Variants in MAF observed in about 807,000 individuals in gnomAD.
MAF encodes the protein transcription factor Maf.
MAF carries 10 observed loss-of-function variants against 22.0 expected under a neutral mutation model. That is an observed-to-expected ratio of 0.45 (90% confidence interval 0.28 to 0.77). The LOEUF (loss-of-function observed/expected upper bound fraction) is 0.77, where lower values mean the gene tolerates loss of function less well. MAF is among the 30% of genes least tolerant of loss of function. The pLI is 0.12. For synonymous variants in MAF, 337 were observed against 255.8 expected (o/e 1.32, Z -3.03); for missense variants, 544 against 548.4 (o/e 0.99, Z 0.08).
At chr16:79,517,566 GTCTTTT>G in the MAF span, among the ~76,000 whole-genome samples, 4 of 101,762 alleles carry the variant, frequency 3.9e-5, no homozygotes, top group East Asian at 6.7e-4. Context: ...GGACTGTTTA[GTCTTTT>G]TTTTTTTTTT....
chr16:79,509,169 G>C, the MAF span, among the ~76,000 whole-genome samples: 3,436 of 152,250 alleles, frequency 0.023, 55 homozygotes, highest in South Asian at 0.06. Flanking sequence ...TGCTGCCTTG[G>C]TGAAACCATC....
the MAF span, among the ~76,000 whole-genome samples, chr16:79,401,549 C>T: frequency 5.7e-3 from 860 of 152,124 alleles, 1 homozygote; most frequent in Non-Finnish European, 8.4e-3. Flanking sequence ...GCTCTTTCTA[C>T]AAAATAAGCC....
the MAF span, among the ~76,000 whole-genome samples, chr16:79,531,520 T>A: frequency 0.53 from 81,052 of 151,914 alleles, 23,248 homozygotes; most frequent in Non-Finnish European, 0.65. Flanking sequence ...GTGGGAGAGC[T>A]AAGCTTGTTT....
chr16:79,251,793 A>G, the MAF span, among the ~76,000 whole-genome samples: 1 of 152,252 alleles, frequency 6.6e-6, no homozygotes, highest in Admixed American at 6.5e-5. Flanking sequence ...CCAAGCGATC[A>G]GGTATCTATT....
chr16:79,274,324 C>A, the MAF span, among the ~76,000 whole-genome samples: 1 of 151,740 alleles, frequency 6.6e-6, no homozygotes, highest in South Asian at 2.1e-4. Context: ...CACAAAGATC[C>A]ATAAACCCGT....
At chr16:79,424,270 A>G in the MAF span, among the ~76,000 whole-genome samples, 1 of 152,340 alleles carries the variant, frequency 6.6e-6, no homozygotes, top group South Asian at 2.1e-4. Flanking sequence ...CATGCATTTA[A>G]AAGTTACCAC....
the MAF span, among the ~76,000 whole-genome samples, chr16:79,526,469 G>A: frequency 6.6e-6 from 1 of 152,160 alleles, no homozygotes; most frequent in South Asian, 2.1e-4. Context: ...ACTTCCTGCT[G>A]TGCAGCCCGG....
At chr16:79,575,249 A>G in the MAF span, among the ~76,000 whole-genome samples, 1 of 152,104 alleles carries the variant, frequency 6.6e-6, no homozygotes, top group East Asian at 1.9e-4. Context: ...GTCATTGCCC[A>G]AGCCTTACCC....
the MAF span, among the ~76,000 whole-genome samples, chr16:79,369,069 G>A: frequency 6.6e-6 from 1 of 152,204 alleles, no homozygotes; most frequent in Non-Finnish European, 1.5e-5. Flanking sequence ...CACACAGCAA[G>A]AGCCCAAGAA....
the MAF span, among the ~76,000 whole-genome samples, chr16:79,275,782 G>A: frequency 6.6e-6 from 1 of 152,138 alleles, no homozygotes; most frequent in South Asian, 2.1e-4. Flanking sequence ...CCATAGTGAA[G>A]TATCTCTTCT....
the MAF span, among the ~76,000 whole-genome samples, chr16:79,398,763 T>C: frequency 5.3e-5 from 8 of 152,250 alleles, no homozygotes; most frequent in Non-Finnish European, 8.8e-5. Context: ...GCTAGGCCCC[T>C]CTGTCTGGCA....
chr16:79,212,124 G>T, the MAF span: 2 of 1,532,812 alleles, frequency 1.3e-6, no homozygotes, highest in Non-Finnish European at 1.7e-6. Context: ...TACTGTTATA[G>T]AATAGCCTGA....
chr16:79,373,976 A>AG, the MAF span, among the ~76,000 whole-genome samples: 1 of 152,238 alleles, frequency 6.6e-6, no homozygotes, highest in Non-Finnish European at 1.5e-5. Context: ...ACACAGCAAG[A>AG]GAATTAGGTT....
the MAF span, among the ~76,000 whole-genome samples, chr16:79,469,689 C>A: frequency 6.6e-6 from 1 of 152,090 alleles, no homozygotes; most frequent in South Asian, 2.1e-4. Context: ...CTCTACCTCC[C>A]AGGTTCAAGT....
At chr16:79,428,344 T>G in the MAF span, among the ~76,000 whole-genome samples, 1 of 152,072 alleles carries the variant, frequency 6.6e-6, no homozygotes, top group Non-Finnish European at 1.5e-5. Context: ...CACACACTGA[T>G]GTTTAGGTCC....
chr16:79,428,485 G>A, the MAF span, among the ~76,000 whole-genome samples: 1 of 152,270 alleles, frequency 6.6e-6, no homozygotes, highest in Non-Finnish European at 1.5e-5. Context: ...AATTTGGGGC[G>A]AGGAGATAGA....
At chr16:79,509,153 C>G in the MAF span, among the ~76,000 whole-genome samples, 1 of 152,198 alleles carries the variant, frequency 6.6e-6, no homozygotes, top group Non-Finnish European at 1.5e-5. Context: ...AGTTACTTGA[C>G]TTTTTTGCTG....
the MAF span, among the ~76,000 whole-genome samples, chr16:79,226,941 G>T: frequency 5.9e-5 from 9 of 152,076 alleles, no homozygotes; most frequent in African/African-American, 2.2e-4. Context: ...GACAGAAATG[G>T]AATGGCTTGT....
At chr16:79,332,288 A>T in the MAF span, among the ~76,000 whole-genome samples, 1 of 152,128 alleles carries the variant, frequency 6.6e-6, no homozygotes, top group African/African-American at 2.4e-5. Context: ...GTAAAAAATA[A>T]GCACAATAAT....
Sources: gnomAD v4.1 joint callset for allele counts (sites outside exome capture counted in the v4.1 genomes callset) on GRCh38, gnomAD v4.1.1 for gene constraint, MANE v1.5 for transcripts, NCBI Gene and HGNC (gene_info 2026-07-23, HGNC 2026-07-21) for gene names.